CSMD1: variants seen among roughly 807,000 people sequenced by gnomAD.
The protein encoded by CSMD1 is CUB and Sushi multiple domains 1.
CSMD1 carries 213 observed loss-of-function variants against 417.5 expected under a neutral mutation model. The observed-to-expected ratio is 0.51, with a 90% CI of 0.46 to 0.57. CSMD1 has a LOEUF of 0.57. Ranked by LOEUF, CSMD1 falls within the 20% of genes least tolerant of loss-of-function variation. The pLI, the probability that CSMD1 is intolerant of heterozygous loss-of-function variation, is 0.00. For synonymous variants in CSMD1, 2,862 were observed against 1,736.8 expected (o/e 1.65, Z -16.11); for missense variants, 6,923 against 4,529.7 (o/e 1.53, Z -15.17).
At chr8:3,474,400 C>T (rs775311790) in intron 11 of CSMD1, among the ~76,000 whole-genome samples, 71 of 152,034 alleles carry the variant, frequency 4.7e-4, no homozygotes, top group Non-Finnish European at 9.3e-4. Context: ...ACAATGTTTT[C>T]TTGGCAAACA....
intron 3 of CSMD1, among the ~76,000 whole-genome samples, chr8:4,379,751 G>T (rs1422014853): frequency 6.6e-6 from 1 of 152,102 alleles, no homozygotes; most frequent in Non-Finnish European, 1.5e-5. Context: ...TGATAAATGA[G>T]AAAAATCTAT....
intron 3 of CSMD1, among the ~76,000 whole-genome samples, chr8:4,110,177 A>C (rs1224579660): frequency 2.6e-5 from 4 of 152,176 alleles, no homozygotes; most frequent in Non-Finnish European, 4.4e-5. Context: ...CATCTGGATC[A>C]CATATCTAAA....
intron 23 of CSMD1, among the ~76,000 whole-genome samples, chr8:3,313,091 A>T (rs1416133511): frequency 6.6e-6 from 1 of 152,252 alleles, no homozygotes; most frequent in Admixed American, 6.5e-5. Context: ...CTATTTCAGA[A>T]AAGAATGTTT....
chr8:3,193,011 C>T (rs1373643238), intron 33 of CSMD1, among the ~76,000 whole-genome samples: 1 of 151,918 alleles, frequency 6.6e-6, no homozygotes, highest in Non-Finnish European at 1.5e-5. Flanking sequence ...GCGCTATTGC[C>T]AGTTTTTCTA....
At chr8:4,764,882 A>AACAAAACAAAAC (rs1812344908) in intron 1 of CSMD1, among the ~76,000 whole-genome samples, 4 of 47,576 alleles carry the variant, frequency 8.4e-5, no homozygotes, top group African/African-American at 3.0e-4. Context: ...CAAAAAAAAA[A>AACAAAACAAAAC]AAAAAAAAAA....
chr8:3,984,747 A>G (rs1244541675), intron 5 of CSMD1, among the ~76,000 whole-genome samples: 54 of 72,028 alleles, frequency 7.5e-4, no homozygotes, highest in Non-Finnish European at 1.3e-3. Flanking sequence ...ATATATATAT[A>G]TATATTTGTA....
intron 1 of CSMD1, among the ~76,000 whole-genome samples, chr8:4,666,282 C>A (rs1331420847): frequency 6.6e-6 from 1 of 152,096 alleles, no homozygotes. Context: ...ATAAGCTAAC[C>A]TTAGAATAGA....
chr8:4,356,329 T>TACACACAC lies in CSMD1; in HGVS notation c.415+63616_415+63623dup, dbSNP rs3990908. On this transcript the variant is annotated intron_variant, in intron 3 of 69. Coordinates refer to ENST00000635120, the MANE Select transcript of CSMD1 (RefSeq NM_033225.6). ...GCTAAGTAGTATTCATCATATGTAA[T>TACACACAC]ACACACACACACACACACACCAGTT... Among the ~76,000 whole-genome samples, 286 of 150,976 alleles carry TACACACAC rather than the reference T, an allele frequency of 1.9e-3. 3 individuals are homozygous for TACACACAC. Among genetic ancestry groups the TACACACAC allele is most frequent in the African/African-American group, 6.7e-3 (275 of 41,294 alleles).
rs1491157296 is a variant in CSMD1 at position 3,772,544 on chromosome 8, CAT to C, written c.819-18504_819-18503del. On this transcript the variant is annotated intron_variant, in intron 5 of 69. Transcript: ENST00000635120. ...ATATACACATATATACATATATACA[CAT>C]ATATACATATATACATATATATACA... Among the ~76,000 whole-genome samples the C allele has an allele frequency of 1.9e-4, 9 of 47,638 alleles. 1 individual carries two copies. The highest frequency in any genetic ancestry group is 4.7e-4 in the Non-Finnish European group (9 of 19,062). 31.3% of individuals were successfully genotyped at this position (47,638 alleles called of 152,430 possible). A position where few individuals can be genotyped will look rare whatever the true frequency, so the allele number is the denominator to read the frequency against.
chr8:4,321,435 G>C (rs774568928), intron 3 of CSMD1, among the ~76,000 whole-genome samples: 11 of 152,206 alleles, frequency 7.2e-5, no homozygotes, highest in Middle Eastern at 3.4e-3. Flanking sequence ...ATTGACTTGT[G>C]ACCTTGGGAA....
chr8:4,643,195 C>G (rs1441253822), intron 1 of CSMD1, among the ~76,000 whole-genome samples: 1 of 152,308 alleles, frequency 6.6e-6, no homozygotes, highest in Middle Eastern at 3.4e-3. Context: ...GCCCAGATCA[C>G]CACACTGGCT....
rs1420684024 is a variant in CSMD1, at chr8:3,262,184, A to AAAATAT, written c.4153+21959_4153+21960insATATTT. ...TTATTTCTAAAATTATGCTCATATG[A>AAAATAT]ATATATATATATATATATATATATA... is the stretch of plus-strand genomic sequence containing the variant. On this transcript the variant is annotated intron_variant, in intron 26 of 69. Transcript: ENST00000635120. 5.0e-3 allele frequency among the ~76,000 whole-genome samples: 317 copies of AAAATAT among 63,100 alleles called. 38 individuals carry two copies. Among genetic ancestry groups the AAAATAT allele is most frequent in the South Asian group, 0.01 (16 of 1,590 alleles). 41.4% of individuals were successfully genotyped at this position (63,100 alleles called of 152,430 possible).
At chr8:4,191,288 C>A (rs182840843) in intron 3 of CSMD1, among the ~76,000 whole-genome samples, 3 of 151,998 alleles carry the variant, frequency 2.0e-5, no homozygotes, top group Non-Finnish European at 4.4e-5. Flanking sequence ...CCCAGCTACT[C>A]GGGAGGCTGA....
At chr8:3,101,241 T>A (rs766020777) in intron 46 of CSMD1, among the ~76,000 whole-genome samples, 106 of 152,146 alleles carry the variant, frequency 7.0e-4, no homozygotes, top group Admixed American at 2.2e-3. Flanking sequence ...TAGGAAGCCA[T>A]CTCCTCCTTT....
chr8:3,744,965 C>T (rs367861632), intron 6 of CSMD1, among the ~76,000 whole-genome samples: 10 of 152,254 alleles, frequency 6.6e-5, no homozygotes, highest in African/African-American at 2.4e-4. Flanking sequence ...AGGGCTGAGG[C>T]CTTTTGTAGT....
At chr8:3,554,348 T>C (rs933651664) in intron 10 of CSMD1, among the ~76,000 whole-genome samples, 1 of 152,236 alleles carries the variant, frequency 6.6e-6, no homozygotes, top group Non-Finnish European at 1.5e-5. Context: ...ACAGAAGACC[T>C]GCTGGCTGGC....
At chr8:4,593,637 T>C (rs1042610942) in intron 2 of CSMD1, among the ~76,000 whole-genome samples, 1 of 152,014 alleles carries the variant, frequency 6.6e-6, no homozygotes, top group African/African-American at 2.4e-5. Context: ...TGATCCGGAG[T>C]CTTAAAGCTC....
At chr8:3,421,321 G>C (rs1412220812) in intron 12 of CSMD1, among the ~76,000 whole-genome samples, 3 of 152,172 alleles carry the variant, frequency 2.0e-5, no homozygotes, top group Non-Finnish European at 2.9e-5. Flanking sequence ...GGACGAGAAG[G>C]ACTGCTCTGA....
At chr8:3,019,845 G>C (rs1222299529) in intron 51 of CSMD1, among the ~76,000 whole-genome samples, 1 of 152,210 alleles carries the variant, frequency 6.6e-6, no homozygotes, top group Non-Finnish European at 1.5e-5. Flanking sequence ...AGGGGAGGGA[G>C]GAACTCACAA....
Sources: allele counts gnomAD v4.1 joint callset (sites outside exome capture counted in the v4.1 genomes callset), GRCh38; gene constraint gnomAD v4.1.1; transcripts MANE v1.5; gene names NCBI Gene and HGNC (gene_info 2026-07-23, HGNC 2026-07-21).